Variants in TRAK2 observed in about 807,000 individuals in gnomAD.
TRAK2 encodes the protein trafficking kinesin protein 2, also known as trafficking kinesin-binding protein 2.
Under a neutral mutation model 104.6 loss-of-function variants are expected in TRAK2, and 81 were observed. That is an observed-to-expected ratio of 0.77 (90% CI 0.65 to 0.93). TRAK2 has a LOEUF of 0.93. Ranked by LOEUF, TRAK2 falls within the 40% of genes least tolerant of loss-of-function variation. TRAK2 has a pLI of 0.00. For synonymous variants in TRAK2, 406 were observed against 394.4 expected (o/e 1.03, Z -0.35); for missense variants, 1,002 against 1,089.0 (o/e 0.92, Z 1.12).
At chr2:201,410,987 T>C in intron 2 of TRAK2, 2 of 1,493,094 alleles carry the variant, frequency 1.3e-6, no homozygotes, top group African/African-American at 1.4e-5. Context: ...TGTTGAATCC[T>C]GAAGTCTGAA....
Position 201,447,572 on chromosome 2 carries a change from T to TG in TRAK2, c.-200+3777dup, listed in dbSNP as rs1394028740. Among the ~76,000 whole-genome samples the TG allele has an allele frequency of 7.9e-5, 12 of 152,186 alleles. No homozygotes were observed. Among genetic ancestry groups the TG allele is most frequent in the African/African-American group, 1.4e-4 (6 of 41,444 alleles). ...TTGGTCTTCTTGATGAATCCTCACA[T>TG]GGTCTTTCCTTTGTGTGTGCAACTC... On this transcript the variant is annotated intron_variant, in intron 1 of 15. Transcript: ENST00000332624. This position sits in a 1 kb window ranked among gnomAD's most constrained non-coding sequence, Gnocchi z 4.1.
chr2:201,380,477 CAT>C lies in TRAK2; in HGVS notation c.*64_*65del, dbSNP rs1264383763. ...TTTTCTCTCAAGTCAGACCAGACCA[CAT>C]GTTTCAGTGCATATCTATCCTTCAT... On this transcript the variant is annotated 3_prime_UTR_variant, in exon 16 of 16. Coordinates refer to ENST00000332624, the MANE Select transcript of TRAK2 (RefSeq NM_015049.3). 5.4e-6 allele frequency: 8 copies of C among 1,480,992 alleles called. No homozygotes were observed. In the East Asian group the frequency reaches 9.2e-5, roughly 17 times the overall value. The allele number at this position is 1,480,992 out of a possible 1,614,324, so 91.7% of individuals were successfully genotyped here. A position where few individuals can be genotyped will look rare whatever the true frequency, so the allele number is the denominator to read the frequency against.
intron 1 of TRAK2, among the ~76,000 whole-genome samples, chr2:201,432,286 A>G (rs1951848568): frequency 6.6e-6 from 1 of 152,222 alleles, no homozygotes; most frequent in African/African-American, 2.4e-5. Flanking sequence ...ATGCAGTAGA[A>G]ACTAAACTTT....
intron 1 of TRAK2, among the ~76,000 whole-genome samples, chr2:201,449,282 T>C (rs1951990427): frequency 6.6e-6 from 1 of 152,184 alleles, no homozygotes; most frequent in African/African-American, 2.4e-5. Flanking sequence ...AAGTCTATAA[T>C]TTCTGAAGTA....
In TRAK2 at chr2:201,451,407, C is replaced by G. The variant is rs1011846685; in HGVS notation, c.-257G>C. The G allele has an allele frequency of 1.1e-4, 17 of 152,224 alleles. No homozygotes were observed. Among genetic ancestry groups the G allele is most frequent in the African/African-American group, 3.6e-4 (15 of 41,476 alleles). 9.4% of individuals were successfully genotyped at this position (152,224 alleles called of 1,614,324 possible). A position where few individuals can be genotyped will look rare whatever the true frequency, so the allele number is the denominator to read the frequency against. ...GCGCTTCCTCAGGAAGCCCCTAATG[C>G]AGCGGCAGCCTGAAAGCAGCAGCCG... On this transcript the variant is annotated 5_prime_UTR_variant, in exon 1 of 16. Transcript: ENST00000332624.
At chr2:201,392,310 C>A (rs2125643606) in intron 10 of TRAK2, among the ~76,000 whole-genome samples, 1 of 152,222 alleles carries the variant, frequency 6.6e-6, no homozygotes, top group African/African-American at 2.4e-5. Flanking sequence ...TTAAGAAAAT[C>A]TACTAAAATG....
chr2:201,397,433 T>G (rs981972638), intron 7 of TRAK2, 69 bp downstream of exon 7: 13 of 1,074,758 alleles, frequency 1.2e-5, no homozygotes, highest in Non-Finnish European at 1.6e-5. Flanking sequence ...GTGATCTAAC[T>G]TCCGAGGTGG....
chr2:201,425,688 A>C (rs1178636473), intron 1 of TRAK2, among the ~76,000 whole-genome samples: 1 of 150,790 alleles, frequency 6.6e-6, no homozygotes, highest in Admixed American at 6.6e-5. Flanking sequence ...GGCATGAGCC[A>C]CCGTGCCCCA....
intron 3 of TRAK2, among the ~76,000 whole-genome samples, chr2:201,406,425 C>T (rs958158475): frequency 2.6e-4 from 39 of 152,016 alleles, no homozygotes; most frequent in Non-Finnish European, 5.0e-4. Context: ...TCAGCTGAAA[C>T]AATGTTTATA....
At position 201,393,001 on chromosome 2, in the gene TRAK2, G is replaced by C. The variant is rs754884432; in HGVS notation, c.1021C>G (p.His341Asp). Residue 341 changes from histidine to aspartate, a missense_variant, in exon 10 of 16, where the codon CAT becomes GAT. Physicochemically the swap from His to Asp is moderately conservative, Grantham distance 81 (BLOSUM62 -1). Coordinates refer to ENST00000332624, the MANE Select transcript of TRAK2 (RefSeq NM_015049.3). ...TCCTTTATTTCTTCTTGGGATTCATGTAACATTCCTAGACACTCCATATTC... is the reference window on the plus strand; with the variant it reads ...TCCTTTATTTCTTCTTGGGATTCATCTAACATTCCTAGACACTCCATATTC... ...DRNMECLGML[H>D]ESQEEIKELR... 2 of 1,613,560 alleles carry C rather than the reference G, an allele frequency of 1.2e-6. No individual in the cohort carries two copies. Among genetic ancestry groups the C allele is most frequent in the Non-Finnish European group, 1.7e-6 (2 of 1,179,820 alleles).
At position 201,379,322 on chromosome 2, in the gene TRAK2, T is replaced by A. The variant is rs1010468960; in HGVS notation, c.*1221A>T. 1 of 152,134 alleles carries A rather than the reference T, an allele frequency of 6.6e-6. No individual in the cohort carries two copies. Among genetic ancestry groups the A allele is most frequent in the African/African-American group, 2.4e-5 (1 of 41,420 alleles). The allele number at this position is 152,134 out of a possible 1,614,324, so 9.4% of individuals were successfully genotyped here. ...CAGTTTGAATAAAAAAAAAGAACCTTAGAGAAAAAGAAAAAGCTTTGACTC... is the reference window on the plus strand; with the variant it reads ...CAGTTTGAATAAAAAAAAAGAACCTAAGAGAAAAAGAAAAAGCTTTGACTC... On this transcript the variant is annotated 3_prime_UTR_variant, in exon 16 of 16. Transcript: ENST00000332624.
intron 2 of TRAK2, chr2:201,419,575 T>G (rs556309379): frequency 4.9e-4 from 76 of 154,526 alleles, no homozygotes; most frequent in African/African-American, 1.8e-3. Context: ...TGGGGAGATC[T>G]CTGTACAAGG....
intron 9 of TRAK2, among the ~76,000 whole-genome samples, chr2:201,393,441 A>G (rs1951466465): frequency 6.6e-6 from 1 of 152,186 alleles, no homozygotes; most frequent in Non-Finnish European, 1.5e-5. Context: ...CAAGATCAAG[A>G]GCCTACAAAG....
chr2:201,442,289 G>C (rs895237244), intron 1 of TRAK2, among the ~76,000 whole-genome samples: 5 of 151,810 alleles, frequency 3.3e-5, no homozygotes, highest in Non-Finnish European at 7.4e-5. Context: ...TACTCGGGAG[G>C]CTGCGGCAGG....
chr2:201,435,909 G>A (rs1440688643), intron 1 of TRAK2, among the ~76,000 whole-genome samples: 2 of 152,080 alleles, frequency 1.3e-5, no homozygotes, highest in Admixed American at 6.6e-5. Context: ...AAAATCATAA[G>A]GAGGGTTTTG....
chr2:201,393,743 G>A (rs920212844), intron 9 of TRAK2, among the ~76,000 whole-genome samples: 3 of 152,052 alleles, frequency 2.0e-5, no homozygotes, highest in East Asian at 1.9e-4. Context: ...CTTGCTCTCC[G>A]AGGTGATTCT....
Position 201,408,502 on chromosome 2 carries a change from G to A in TRAK2, c.92-905C>T, listed in dbSNP as rs114000216. On this transcript the variant is annotated intron_variant, in intron 2 of 15. Transcript: ENST00000332624. ...CCATGCTCATCCCTCACATATGCCC[G>A]TCTGTTGTTCCTGTCTTTATAACTA... Among the ~76,000 whole-genome samples, 502 of 151,980 alleles carry A rather than the reference G, an allele frequency of 3.3e-3. 4 individuals are homozygous for A. Among genetic ancestry groups the A allele is most frequent in the African/African-American group, 0.011 (472 of 41,438 alleles).
intron 1 of TRAK2, among the ~76,000 whole-genome samples, chr2:201,429,129 T>C (rs974890432): frequency 6.6e-6 from 1 of 152,238 alleles, no homozygotes; most frequent in Non-Finnish European, 1.5e-5. Flanking sequence ...ACAGTTTGAC[T>C]TCTTCTTTTC....
chr2:201,418,302 C>T (rs1262339010), intron 2 of TRAK2, among the ~76,000 whole-genome samples: 1 of 152,182 alleles, frequency 6.6e-6, no homozygotes. Flanking sequence ...GCCTCAGCTT[C>T]CCTAGTAGCT....
Sources: allele counts gnomAD v4.1 joint callset (sites outside exome capture counted in the v4.1 genomes callset), GRCh38; gene constraint gnomAD v4.1.1; non-coding constraint Gnocchi (gnomAD v3.1); transcripts MANE v1.5; gene names NCBI Gene and HGNC (gene_info 2026-07-23, HGNC 2026-07-21).